The following RASGEF1C variants were observed in gnomAD, a reference collection of about 807,000 sequenced individuals.
The protein encoded by RASGEF1C is RasGEF domain family member 1C, also known as ras-GEF domain-containing family member 1C.
A neutral mutation model predicts 58.1 loss-of-function variants in RASGEF1C; 27 were observed. That is an observed-to-expected ratio of 0.46 (90% confidence interval 0.34 to 0.64). The LOEUF (loss-of-function observed/expected upper bound fraction) is 0.64. RASGEF1C is among the 30% of genes least tolerant of loss of function. The pLI is 0.01. For synonymous variants in RASGEF1C, 243 were observed against 246.3 expected (o/e 0.99, Z 0.13); for missense variants, 502 against 605.1 (o/e 0.83, Z 1.79).
intron 1 of RASGEF1C, among the ~76,000 whole-genome samples, chr5:180,207,809 C>T (rs939648314): frequency 2.0e-5 from 3 of 152,108 alleles, no homozygotes; most frequent in African/African-American, 7.2e-5. Flanking sequence ...CCCCGGGCTA[C>T]CCGTCCATCA....
intron 1 of RASGEF1C, among the ~76,000 whole-genome samples, chr5:180,149,110 A>T: frequency 8.2e-6 from 1 of 121,872 alleles, no homozygotes; most frequent in Admixed American, 9.8e-5. Context: ...TTTTTTTGAG[A>T]CAGAGTCTTG....
intron 1 of RASGEF1C, among the ~76,000 whole-genome samples, chr5:180,150,713 C>T (rs1199755290): frequency 6.6e-6 from 1 of 151,714 alleles, no homozygotes; most frequent in Non-Finnish European, 1.5e-5. Context: ...AAGTTCTGGC[C>T]AGGGCAATCA....
intron 1 of RASGEF1C, among the ~76,000 whole-genome samples, chr5:180,157,527 T>C (rs1225594803): frequency 6.6e-6 from 1 of 151,540 alleles, no homozygotes; most frequent in Non-Finnish European, 1.5e-5. Context: ...CTTGGGAGGC[T>C]GAGGCAGGAG....
At chr5:180,133,253 G>A (rs1236669835) in intron 4 of RASGEF1C, among the ~76,000 whole-genome samples, 27 of 152,216 alleles carry the variant, frequency 1.8e-4, no homozygotes, top group African/African-American at 2.4e-5. Flanking sequence ...CCAGAACCAC[G>A]GTCATGGAGA....
At chr5:180,169,133 C>T (rs999124710) in intron 1 of RASGEF1C, among the ~76,000 whole-genome samples, 2 of 152,078 alleles carry the variant, frequency 1.3e-5, no homozygotes, top group East Asian at 1.9e-4. Flanking sequence ...AAATAAATCA[C>T]GTTTGCTTTC....
rs1157446779 is a variant in RASGEF1C at position 180,177,841 on chromosome 5, GAAGT to G, written c.-7+31183_-7+31186del. On this transcript the variant is annotated intron_variant, in intron 1 of 13. Transcript: ENST00000361132. The surrounding 1 kb of genome is among the most constrained non-coding windows in gnomAD (Gnocchi z 5.0). ...TCTGCTCAGGGCAAGGTAAGGACAG[GAAGT>G]AAGTATGGAGCTGGTGGGGGCTTTC... Among the ~76,000 whole-genome samples the G allele has an allele frequency of 6.6e-6, 1 of 152,194 alleles. No homozygotes were observed. The highest frequency in any genetic ancestry group is 2.4e-5 in the African/African-American group (1 of 41,450).
chr5:180,111,860 T>C (rs1765964692), intron 11 of RASGEF1C, among the ~76,000 whole-genome samples: 1 of 152,260 alleles, frequency 6.6e-6, no homozygotes, highest in African/African-American at 2.4e-5. Context: ...TGCAAATATA[T>C]TTAAATAGGT....
intron 6 of RASGEF1C, among the ~76,000 whole-genome samples, chr5:180,125,310 TAGGA>T (rs1766237674): frequency 6.6e-6 from 1 of 152,108 alleles, no homozygotes; most frequent in Non-Finnish European, 1.5e-5. Flanking sequence ...CTGAGAAAAC[TAGGA>T]AGGAACAGGA....
chr5:180,167,075 T>G (rs1767034250), intron 1 of RASGEF1C, among the ~76,000 whole-genome samples: 1 of 152,204 alleles, frequency 6.6e-6, no homozygotes, highest in Admixed American at 6.5e-5. Context: ...AGATTCATCC[T>G]GTCTGGCGGG....
chr5:180,171,037 C>T (rs1581118338), intron 1 of RASGEF1C, among the ~76,000 whole-genome samples: 1 of 152,278 alleles, frequency 6.6e-6, no homozygotes, highest in Admixed American at 6.5e-5. Context: ...TCAGAAGACG[C>T]GGCCGGAGTT....
intron 4 of RASGEF1C, among the ~76,000 whole-genome samples, chr5:180,129,778 C>T (rs1407535912): frequency 6.6e-6 from 1 of 152,210 alleles, no homozygotes; most frequent in Non-Finnish European, 1.5e-5. Flanking sequence ...CAGGCCGGCT[C>T]CTGGCTGTAG....
At position 180,119,348 on chromosome 5, in the gene RASGEF1C, A is replaced by G. The variant is rs1766128077; in HGVS notation, c.905T>C (p.Ile302Thr). 1 of 1,612,800 alleles carries G rather than the reference A, an allele frequency of 6.2e-7. No individual in the cohort carries two copies. The highest frequency in any genetic ancestry group is 1.3e-5 in the African/African-American group (1 of 74,916). ...IGNFNSLMAI[I>T]SGMNMSPVSR... ...ACAGGCCAGGCCGGCCCACTCACAG[A>G]TGATGGCCATGAGGGAGTTGAAGTT... Residue 302 changes from isoleucine (I) to threonine (T), a missense_variant and splice_region_variant, in exon 8 of 14, where the codon ATC becomes ACC. Physicochemically the swap from Ile to Thr is moderately conservative, Grantham distance 89. Transcript: ENST00000361132.
intron 1 of RASGEF1C, among the ~76,000 whole-genome samples, chr5:180,184,584 T>G (rs888369221): frequency 6.6e-6 from 1 of 151,950 alleles, no homozygotes; most frequent in Non-Finnish European, 1.5e-5. Context: ...CTCAAAAAAT[T>G]AAATAAATAA....
intron 6 of RASGEF1C, among the ~76,000 whole-genome samples, chr5:180,125,656 C>G (rs1286907876): frequency 6.6e-6 from 1 of 152,078 alleles, no homozygotes; most frequent in Non-Finnish European, 1.5e-5. Context: ...GTGGCGCATG[C>G]CTGTAATCCC....
chr5:180,207,422 G>A (rs973466996), intron 1 of RASGEF1C, among the ~76,000 whole-genome samples: 1 of 152,226 alleles, frequency 6.6e-6, no homozygotes, highest in African/African-American at 2.4e-5. Context: ...AGGAACCAAG[G>A]CCCCTTGGAC....
At chr5:180,170,678 C>T (rs1284719335) in intron 1 of RASGEF1C, among the ~76,000 whole-genome samples, 1 of 152,204 alleles carries the variant, frequency 6.6e-6, no homozygotes, top group East Asian at 1.9e-4. Flanking sequence ...ACACCTGGCC[C>T]CCCAGCGGTG....
intron 11 of RASGEF1C, among the ~76,000 whole-genome samples, chr5:180,113,031 G>A (rs111997589): frequency 2.3e-5 from 3 of 133,168 alleles, no homozygotes; most frequent in Non-Finnish European, 3.3e-5. Flanking sequence ...GGGGATGGAC[G>A]GAGGGACCGG....
intron 1 of RASGEF1C, among the ~76,000 whole-genome samples, chr5:180,203,562 C>T (rs2127564680): frequency 6.6e-6 from 1 of 152,354 alleles, no homozygotes; most frequent in Admixed American, 6.5e-5. Context: ...CTAGTGCTGG[C>T]CACCAGCAGT....
chr5:180,118,657 C>T lies in RASGEF1C; in HGVS notation c.1035G>A (p.Leu345=), dbSNP rs1766113333. The part of the protein sequence containing the change: ...TGNFCNYRTA[L]RGAAHRSLTA... The stretch of plus-strand genomic sequence containing the variant: ...TCAGGGAGCGGTGGGCCGCCCCGCG[C>T]AGGGCTGTCCTGTAGTTGCAGAAAT... The change falls in exon 10 of 14, where the codon CTG becomes CTA. Residue 345 remains leucine (L), a synonymous_variant. Transcript: ENST00000361132. The T allele has an allele frequency of 2.5e-6, 4 of 1,613,948 alleles. No homozygotes were observed. In the African/African-American group the frequency reaches 4.0e-5, roughly 16 times the overall value.
Sources: gnomAD v4.1 joint callset for allele counts (sites outside exome capture counted in the v4.1 genomes callset) on GRCh38, gnomAD v4.1.1 for gene constraint, Gnocchi (gnomAD v3.1) non-coding constraint, MANE v1.5 for transcripts, NCBI Gene and HGNC (gene_info 2026-07-23, HGNC 2026-07-21) for gene names.